The following BIRC6 variants were observed in gnomAD, a reference collection of about 807,000 sequenced individuals.
The protein encoded by BIRC6 is dual E2 ubiquitin-conjugating enzyme/E3 ubiquitin-protein ligase BIRC6.
Under a neutral mutation model 503.3 loss-of-function variants are expected in BIRC6, and 98 were observed. The ratio of observed to expected loss-of-function variants is 0.19; its 90% CI spans 0.17 to 0.23. The LOEUF is 0.23. Ranked by LOEUF, BIRC6 falls within the 10% of genes least tolerant of loss-of-function variation. BIRC6 has a pLI of 1.00. For missense variants in BIRC6, 5,360 were observed against 5,806.0 expected, an observed-to-expected ratio of 0.92 and a Z score of 2.50; for synonymous variants, 2,240 against 2,078.7, an observed-to-expected ratio of 1.08 and a Z score of -2.11.
chr2:32,429,017 T>G, intron 10 of BIRC6, 129 bp from the exon 11 acceptor site: 1 of 787,394 alleles, frequency 1.3e-6, no homozygotes, highest in Non-Finnish European at 1.8e-6. Context: ...CTCTTGGAAA[T>G]ACATCACATT....
intron 73 of BIRC6, among the ~76,000 whole-genome samples, chr2:32,613,076 C>T (rs541482086): frequency 1.3e-5 from 2 of 152,172 alleles, no homozygotes; most frequent in South Asian, 4.2e-4. Context: ...TCTCCCTCCT[C>T]CAGGCCTTTA....
chr2:32,458,107 C>T (rs1178500644), intron 23 of BIRC6, among the ~76,000 whole-genome samples: 2 of 152,042 alleles, frequency 1.3e-5, no homozygotes, highest in African/African-American at 4.8e-5. Flanking sequence ...GGTAATCTTT[C>T]CTTGTCTCTT....
chr2:32,454,379 A>G (rs988399612), intron 23 of BIRC6, among the ~76,000 whole-genome samples: 5 of 152,204 alleles, frequency 3.3e-5, no homozygotes, highest in African/African-American at 1.2e-4. Context: ...GGTTTGTTGA[A>G]TATGTGATGT....
chr2:32,587,054 G>T (rs916907733), intron 66 of BIRC6, among the ~76,000 whole-genome samples: 10 of 152,148 alleles, frequency 6.6e-5, no homozygotes, highest in African/African-American at 2.4e-4. Flanking sequence ...ATCAGAGCAT[G>T]GAGCTTCTGA....
intron 22 of BIRC6, among the ~76,000 whole-genome samples, chr2:32,450,702 T>G (rs1334289482): frequency 6.6e-6 from 1 of 152,176 alleles, no homozygotes; most frequent in Non-Finnish European, 1.5e-5. Context: ...GGGAATTGGT[T>G]CCAGGACTCC....
intron 16 of BIRC6, among the ~76,000 whole-genome samples, chr2:32,440,383 G>A (rs1052261544): frequency 5.9e-5 from 9 of 152,166 alleles, no homozygotes; most frequent in Admixed American, 6.5e-5. Flanking sequence ...AAGTTGGGGC[G>A]TAATTTTAAG....
Position 32,617,932 on chromosome 2 carries a change from C to T in BIRC6, c.*28C>T, listed in dbSNP as rs762032095. On this transcript the variant is annotated 3_prime_UTR_variant, in exon 74 of 74. Coordinates refer to ENST00000421745, the MANE Select transcript of BIRC6 (RefSeq NM_016252.4). ...TGCATTGATGTGGACTTCATAGACA[C>T]AAAGGCTTCGAAGCACAAGCCAAAT... 5 of 1,584,788 alleles carry T rather than the reference C, an allele frequency of 3.2e-6. No individual in the cohort carries two copies. The highest frequency in any genetic ancestry group is 3.4e-6 in the Non-Finnish European group (4 of 1,161,454).
chr2:32,377,063 T>C (rs767015304), intron 1 of BIRC6, among the ~76,000 whole-genome samples: 9 of 152,334 alleles, frequency 5.9e-5, no homozygotes, highest in Admixed American at 1.3e-4. Context: ...TAATTCATTT[T>C]TAAAAGTTTT....
Position 32,617,714 on chromosome 2 carries a change from C to T in BIRC6, c.14395-11C>T. The T allele has an allele frequency of 1.2e-6, 2 of 1,611,502 alleles. No homozygotes were observed. The highest frequency in any genetic ancestry group is 1.7e-6 in the Non-Finnish European group (2 of 1,178,536). ...TTGCAGTTCTAACATTAGTCCTTTT[C>T]TCCTGCATAGCGTCACACTGCTCAG... is the stretch of plus-strand genomic sequence containing the variant. On this transcript the variant is annotated splice_polypyrimidine_tract_variant and intron_variant, in intron 73 of 73. Transcript: ENST00000421745.
In BIRC6 at chr2:32,357,266, G is replaced by A. The variant is rs941074428; in HGVS notation, c.105G>A (p.Ala35=). The A allele has an allele frequency of 6.6e-7, 1 of 1,521,300 alleles. No homozygotes were observed. 94.2% of individuals were successfully genotyped at this position (1,521,300 alleles called of 1,614,324 possible). Residue 35 remains alanine, a synonymous_variant, in exon 1 of 74, where the codon GCG becomes GCA. Coordinates refer to ENST00000421745, the MANE Select transcript of BIRC6 (RefSeq NM_016252.4). This position sits in a 1 kb window ranked among gnomAD's most constrained non-coding sequence, Gnocchi z 4.9. Reference sequence around the variant, plus strand: ...GGAAGATGGCGGCTGCGGCTGCGGCGGCCTCGGGCCCCGGCTGCTCCTCGG... The same window carrying A: ...GGAAGATGGCGGCTGCGGCTGCGGCAGCCTCGGGCCCCGGCTGCTCCTCGG... The part of the protein sequence containing the change: ...AGRKMAAAAA[A]ASGPGCSSAA...
At chr2:32,592,961 T>C (rs1473704110) in intron 66 of BIRC6, among the ~76,000 whole-genome samples, 14 of 152,214 alleles carry the variant, frequency 9.2e-5, no homozygotes, top group Non-Finnish European at 2.1e-4. Flanking sequence ...CATGACCACT[T>C]TGCGAGATAG....
At chr2:32,388,722 C>G (rs767173737) in intron 3 of BIRC6, 28 bp from the exon 4 acceptor site, 50 of 1,479,218 alleles carry the variant, frequency 3.4e-5, no homozygotes, top group Non-Finnish European at 4.4e-5. Context: ...GTACATTTTC[C>G]TTTGCTTATA....
At chr2:32,444,031 G>GTT (rs776568064) in intron 20 of BIRC6, among the ~76,000 whole-genome samples, 22 of 136,842 alleles carry the variant, frequency 1.6e-4, no homozygotes, top group East Asian at 2.1e-4. Flanking sequence ...GGGACCAGTG[G>GTT]TTTTTTTTTT....
chr2:32,489,433 A>T (rs1471302450), intron 42 of BIRC6, among the ~76,000 whole-genome samples: 1 of 151,758 alleles, frequency 6.6e-6, no homozygotes, highest in Non-Finnish European at 1.5e-5. Flanking sequence ...CAACTATATT[A>T]TTATTATAAT....
At chr2:32,463,808 G>A (rs1297912713) in intron 24 of BIRC6, among the ~76,000 whole-genome samples, 1 of 152,154 alleles carries the variant, frequency 6.6e-6, no homozygotes, top group African/African-American at 2.4e-5. Flanking sequence ...CAGTCCCTGG[G>A]CCATGGACCA....
Position 32,490,223 on chromosome 2 carries a change from A to G in BIRC6, c.8206+72A>G. 4 of 1,317,814 alleles carry G rather than the reference A, an allele frequency of 3.0e-6. 1 individual carries two copies. In the South Asian group the frequency reaches 3.6e-5, roughly 12 times the overall value. 81.6% of individuals were successfully genotyped at this position (1,317,814 alleles called of 1,614,324 possible). On this transcript the variant is annotated intron_variant, in intron 43 of 73. Transcript: ENST00000421745. Reference sequence around the variant, plus strand: ...TGTTCTACTATTGGATTCTTAAAACAGAGTTTTCCAAGGAGTGGTATACTT... The same window carrying G: ...TGTTCTACTATTGGATTCTTAAAACGGAGTTTTCCAAGGAGTGGTATACTT...
At chr2:32,441,903 A>G (rs200373602) in intron 17 of BIRC6, among the ~76,000 whole-genome samples, 162 bp from the exon 18 acceptor site, 1 of 152,154 alleles carries the variant, frequency 6.6e-6, no homozygotes, top group East Asian at 1.9e-4. Context: ...TTATTAAAAA[A>G]TTTTCTACAA....
intron 39 of BIRC6, among the ~76,000 whole-genome samples, chr2:32,483,614 A>G (rs765402020): frequency 7.2e-5 from 11 of 152,334 alleles, no homozygotes; most frequent in Non-Finnish European, 1.3e-4. Flanking sequence ...CATTGCATTT[A>G]ATCGTCACGT....
chr2:32,580,219 T>G (rs2754525), intron 66 of BIRC6, among the ~76,000 whole-genome samples: 101,131 of 151,940 alleles, frequency 0.67, 34,146 homozygotes, highest in African/African-American at 0.73. Flanking sequence ...CTCCCAAAGT[T>G]CTGGGAGTAC....
Sources: gnomAD v4.1 joint callset for allele counts (sites outside exome capture counted in the v4.1 genomes callset) on GRCh38, gnomAD v4.1.1 for gene constraint, Gnocchi (gnomAD v3.1) non-coding constraint, MANE v1.5 for transcripts, NCBI Gene and HGNC (gene_info 2026-07-23, HGNC 2026-07-21) for gene names.